The following MEGF6 variants were observed in gnomAD, a reference collection of about 807,000 sequenced individuals.
MEGF6 encodes multiple EGF like domains 6, also known as multiple epidermal growth factor-like domains protein 6.
A neutral mutation model predicts 207.1 loss-of-function variants in MEGF6; 184 were observed. That is an observed-to-expected ratio of 0.89 (90% CI 0.79 to 1.00). MEGF6 has a LOEUF of 1.00. Among genes scored for constraint, MEGF6 ranks in the 50% least tolerant of loss-of-function variants. MEGF6 has a pLI of 0.00. For missense variants in MEGF6, 2,282 were observed against 2,202.9 expected, an observed-to-expected ratio of 1.04 and a Z score of -0.72; for synonymous variants, 1,038 against 910.0, an observed-to-expected ratio of 1.14 and a Z score of -2.53.
chr1:3,524,264 A>G lies in MEGF6; in HGVS notation c.482-18T>C. The G allele has an allele frequency of 6.2e-7, 1 of 1,600,846 alleles. No individual in the cohort carries two copies. The stretch of plus-strand genomic sequence containing the variant: ...GTCCACATCTGAGCAGGAATGGGGA[A>G]GGATCAGCAGCTGGGCACCTGTGCC... On this transcript the variant is annotated intron_variant, in intron 4 of 36. Coordinates refer to ENST00000356575, the MANE Select transcript of MEGF6 (RefSeq NM_001409.4).
chr1:3,618,159 C>T, the MEGF6 span, among the ~76,000 whole-genome samples: 89 of 152,328 alleles, frequency 5.8e-4, 2 homozygotes, highest in East Asian at 0.011. This position sits in a 1 kb window ranked among gnomAD's most constrained non-coding sequence, Gnocchi z 4.7. Flanking sequence ...GGAGGCAGGG[C>T]GCCCTGCTGT....
chr1:3,579,737 T>C, intron 4 of MEGF6, 88 bp downstream of exon 4: 5 of 909,190 alleles, frequency 5.5e-6, no homozygotes, highest in Non-Finnish European at 7.8e-6. Flanking sequence ...ACAGCTGTGC[T>C]GGGGACGGCC....
At chr1:3,595,536 G>C (rs532770486) in intron 2 of MEGF6, 89 bp from the exon 3 acceptor site, 1 of 1,154,258 alleles carries the variant, frequency 8.7e-7, no homozygotes. Context: ...CTGACTCTGC[G>C]TCAGCCGGGT....
upstream of MEGF6, among the ~76,000 whole-genome samples, chr1:3,616,092 C>T (rs1005643413): frequency 7.9e-5 from 12 of 152,196 alleles, no homozygotes; most frequent in Non-Finnish European, 1.6e-4. Context: ...AAACTACCAG[C>T]TCAGTGGATA....
At chr1:3,617,303 C>G in the MEGF6 span, among the ~76,000 whole-genome samples, 1 of 152,164 alleles carries the variant, frequency 6.6e-6, no homozygotes, top group East Asian at 1.9e-4. Flanking sequence ...CAGGACACAG[C>G]CTACTGGGTT....
chr1:3,523,636 G>C (rs1223577343), intron 5 of MEGF6, among the ~76,000 whole-genome samples: 1 of 152,182 alleles, frequency 6.6e-6, no homozygotes, highest in African/African-American at 2.4e-5. Flanking sequence ...TGCGGGCGAA[G>C]GGTGTCCTCA....
At chr1:3,526,041 G>A (rs1641949107) in intron 4 of MEGF6, among the ~76,000 whole-genome samples, 1 of 152,224 alleles carries the variant, frequency 6.6e-6, no homozygotes, top group Admixed American at 6.5e-5. Flanking sequence ...CCGGCACACA[G>A]GGGCTCTCAG....
At chr1:3,506,529 T>A (rs1223038764) in intron 14 of MEGF6, among the ~76,000 whole-genome samples, 2 of 152,130 alleles carry the variant, frequency 1.3e-5, no homozygotes, top group Admixed American at 6.5e-5. Flanking sequence ...CTGGCCCCCA[T>A]CAGGAGCCGC....
chr1:3,510,034 G>A (rs771782967), intron 10 of MEGF6, 42 bp from the exon 11 acceptor site: 7 of 1,558,894 alleles, frequency 4.5e-6, no homozygotes, highest in Non-Finnish European at 6.0e-6. Flanking sequence ...GCTCCCAGGT[G>A]GGGAACCAGG....
rs564322843 is a variant in MEGF6, at chr1:3,546,715, C to T, written c.482-22469G>A. On this transcript the variant is annotated intron_variant, in intron 4 of 36. Coordinates refer to ENST00000356575, the MANE Select transcript of MEGF6 (RefSeq NM_001409.4). Reference sequence around the variant, plus strand: ...CTGGGAAGGGGGCTGCCAAGGAGGACGCCAAGGCGGGGTGGCAGCGGGCTG... The same window carrying T: ...CTGGGAAGGGGGCTGCCAAGGAGGATGCCAAGGCGGGGTGGCAGCGGGCTG... 1.4e-4 allele frequency among the ~76,000 whole-genome samples: 15 copies of T among 107,528 alleles called. No homozygotes were observed. The East Asian group carries it at 3.0e-3, about 21-fold the overall frequency. 70.5% of individuals were successfully genotyped at this position (107,528 alleles called of 152,430 possible).
At chr1:3,583,315 A>G (rs1643846165) in intron 3 of MEGF6, among the ~76,000 whole-genome samples, 1 of 138,266 alleles carries the variant, frequency 7.2e-6, no homozygotes, top group African/African-American at 3.5e-5. Context: ...CGCAGCCACC[A>G]GACAACCCAC....
At chr1:3,553,379 G>A (rs776135845) in intron 4 of MEGF6, among the ~76,000 whole-genome samples, 1 of 152,068 alleles carries the variant, frequency 6.6e-6, no homozygotes, top group Admixed American at 6.5e-5. Flanking sequence ...TTCAGGAACA[G>A]GCGGGACGGG....
At chr1:3,608,967 C>T (rs1210898298) in intron 1 of MEGF6, among the ~76,000 whole-genome samples, 1 of 152,212 alleles carries the variant, frequency 6.6e-6, no homozygotes, top group Non-Finnish European at 1.5e-5. Context: ...CCTCCGACAG[C>T]GTCTCCTAGA....
rs935139052 is a variant in MEGF6 at position 3,538,478 on chromosome 1, C to T, written c.482-14232G>A. On this transcript the variant is annotated intron_variant, in intron 4 of 36. Transcript: ENST00000356575. ...GAAACCACCGCTGTTTCCGCGAGCC[C>T]AGCTGCCATTCCTGACTGCAGCTGT... is the stretch of plus-strand genomic sequence containing the variant. 3.3e-5 allele frequency among the ~76,000 whole-genome samples: 5 copies of T among 152,230 alleles called. No individual in the cohort carries two copies. In the East Asian group the frequency reaches 5.8e-4, roughly 18 times the overall value.
Position 3,508,540 on chromosome 1 carries a change from C to T in MEGF6, c.1660+18G>A. 6.2e-7 allele frequency: 1 copy of T among 1,609,370 alleles called. No homozygotes were observed. ...AGAGGCCCCTTCCCAGCCCCCAGCC[C>T]CTGCCCAGCTGCCTCACTCTCATTG... On this transcript the variant is annotated intron_variant, in intron 13 of 36. Coordinates refer to ENST00000356575, the MANE Select transcript of MEGF6 (RefSeq NM_001409.4).
intron 4 of MEGF6, among the ~76,000 whole-genome samples, chr1:3,575,615 A>G (rs374077312): frequency 1.6e-4 from 17 of 107,264 alleles, no homozygotes; most frequent in African/African-American, 3.4e-4. Flanking sequence ...GGCAGAAGGC[A>G]AGGAGGAGCA....
chr1:3,586,843 A>G (rs1314179459), intron 3 of MEGF6, among the ~76,000 whole-genome samples: 1 of 152,164 alleles, frequency 6.6e-6, no homozygotes, highest in Non-Finnish European at 1.5e-5. Context: ...CGCCGGCCTG[A>G]TGGTCCAACA....
intron 3 of MEGF6, among the ~76,000 whole-genome samples, chr1:3,585,849 A>G (rs1487603591): frequency 1.5e-5 from 2 of 130,362 alleles, no homozygotes; most frequent in Admixed American, 8.0e-5. Flanking sequence ...GGTGTGAATG[A>G]GGACACTTGT....
At chr1:3,586,008 CAT>C (rs1479787947) in intron 3 of MEGF6, among the ~76,000 whole-genome samples, 1 of 139,820 alleles carries the variant, frequency 7.2e-6, no homozygotes, top group Admixed American at 7.1e-5. Context: ...TGTGTGGACA[CAT>C]GTCCTGTGTG....
Sources: gnomAD v4.1 joint callset for allele counts (sites outside exome capture counted in the v4.1 genomes callset) on GRCh38, gnomAD v4.1.1 for gene constraint, Gnocchi (gnomAD v3.1) non-coding constraint, MANE v1.5 for transcripts, NCBI Gene and HGNC (gene_info 2026-07-23, HGNC 2026-07-21) for gene names.